Variants in EIF1AX observed in about 807,000 individuals in gnomAD.
The protein encoded by EIF1AX is eukaryotic translation initiation factor 1A X-linked, also known as eukaryotic translation initiation factor 1A, X-chromosomal.
EIF1AX carries 1 observed loss-of-function variant against 16.1 expected under a neutral mutation model. The ratio of observed to expected loss-of-function variants is 0.06; its 90% CI spans 0.02 to 0.30. EIF1AX has a LOEUF of 0.30. EIF1AX is among the 10% of genes least tolerant of loss of function. The probability of loss-of-function intolerance (pLI) is 1.00; values close to 1 mark genes in which losing one functional copy is unlikely to be tolerated. For synonymous variants in EIF1AX, 32 were observed against 37.3 expected (o/e 0.86, Z 0.51); for missense variants, 11 against 109.1 (o/e 0.10, Z 4.00).
chrX:20,132,922 G>C (rs1407134977), intron 4 of EIF1AX, among the ~76,000 whole-genome samples: 1 of 112,000 alleles, frequency 8.9e-6, no homozygotes, highest in Non-Finnish European at 1.9e-5. Flanking sequence ...TCAACTTCAA[G>C]GACAGTGTGA....
chrX:20,129,776 A>G (rs1177450051), intron 6 of EIF1AX, among the ~76,000 whole-genome samples: 1 of 112,290 alleles, frequency 8.9e-6, no homozygotes, highest in Non-Finnish European at 1.9e-5. Context: ...TTGTAATTCC[A>G]ATGCTTCATA....
rs2066981581 is a variant in EIF1AX at position 20,125,226 on chromosome X, T to C, written c.*3080A>G. 1 of 161,329 alleles carries C rather than the reference T, an allele frequency of 6.2e-6. No individual in the cohort carries two copies. Among genetic ancestry groups the C allele is most frequent in the African/African-American group, 3.0e-5 (1 of 33,155 alleles). The allele number at this position is 161,329 out of a possible 1,213,427, so 13.3% of individuals were successfully genotyped here. On this transcript the variant is annotated 3_prime_UTR_variant, in exon 7 of 7. Transcript: ENST00000379607. ...TCCAGTACACTGCCTCACAAGTACC[T>C]AGCAACTTGCAGGGCTAGGAGGGGG...
At chrX:20,140,512 G>GCA (rs964935742) in intron 1 of EIF1AX, 1 of 112,086 alleles carries the variant, frequency 8.9e-6, no homozygotes, top group African/African-American at 3.2e-5. Flanking sequence ...AGCAGTGACT[G>GCA]CACCAACTTG....
At position 20,125,109 on chromosome X, in the gene EIF1AX, C is replaced by G. The variant is rs901042869; in HGVS notation, c.*3197G>C. 3 of 147,086 alleles carry G rather than the reference C, an allele frequency of 2.0e-5. No individual in the cohort carries two copies. The Admixed American group carries it at 2.6e-4, about 13-fold the overall frequency. 12.1% of individuals were successfully genotyped at this position (147,086 alleles called of 1,213,427 possible). ...GTGAAGAACCTGAAGCTGAGACAAGCAGGAGAATGTGCCAGTGGTCACCTG... is the reference window on the plus strand; with the variant it reads ...GTGAAGAACCTGAAGCTGAGACAAGGAGGAGAATGTGCCAGTGGTCACCTG... On this transcript the variant is annotated 3_prime_UTR_variant, in exon 7 of 7. Transcript: ENST00000379607.
At chrX:20,137,010 ATAT>A (rs750143242) in intron 2 of EIF1AX, among the ~76,000 whole-genome samples, 3 of 111,894 alleles carry the variant, frequency 2.7e-5, no homozygotes, top group Non-Finnish European at 5.6e-5. Context: ...TATATACTAG[ATAT>A]TATATCAATG....
intron 4 of EIF1AX, 37 bp from the exon 5 acceptor site, chrX:20,132,300 T>C (rs773839557): frequency 2.3e-6 from 2 of 879,876 alleles, no homozygotes; most frequent in Admixed American, 2.5e-5. Context: ...AAACTGATCA[T>C]AACAAAATAT....
intron 3 of EIF1AX, among the ~76,000 whole-genome samples, chrX:20,135,287 A>C (rs2067013131): frequency 9.0e-6 from 1 of 110,562 alleles, no homozygotes; most frequent in Non-Finnish European, 1.9e-5. Context: ...CTCTACAAAA[A>C]ATACAGAAAT....
chrX:20,125,384 G>A lies in EIF1AX; in HGVS notation c.*2922C>T, dbSNP rs189191080. The A allele has an allele frequency of 5.3e-4, 91 of 171,599 alleles. 1 individual carries two copies. The highest frequency in any genetic ancestry group is 2.4e-3 in the African/African-American group (83 of 34,063). 14.1% of individuals were successfully genotyped at this position (171,599 alleles called of 1,213,427 possible). Reference sequence around the variant, plus strand: ...AAAAGCAAAGATAAAAAGGATGGTAGTTTAGGGTAAACCAAAAACACAAAG... The same window carrying A: ...AAAAGCAAAGATAAAAAGGATGGTAATTTAGGGTAAACCAAAAACACAAAG... On this transcript the variant is annotated 3_prime_UTR_variant, in exon 7 of 7. Transcript: ENST00000379607.
chrX:20,129,952 T>C (rs1427668359), intron 6 of EIF1AX, among the ~76,000 whole-genome samples: 2 of 112,165 alleles, frequency 1.8e-5, no homozygotes, highest in Non-Finnish European at 3.8e-5. Context: ...GGCGTTAATA[T>C]TGCCAATGCA....
At chrX:20,135,951 A>C in intron 2 of EIF1AX, 110 bp from the exon 3 acceptor site, 1 of 538,926 alleles carries the variant, frequency 1.9e-6, no homozygotes, top group Non-Finnish European at 3.3e-6. Context: ...GTTGGGAATA[A>C]ATACATATAG....
In EIF1AX at chrX:20,125,829, T is replaced by C. The variant is rs2066983574; in HGVS notation, c.*2477A>G. 1 of 157,461 alleles carries C rather than the reference T, an allele frequency of 6.4e-6. No individual in the cohort carries two copies. The highest frequency in any genetic ancestry group is 1.2e-5 in the Non-Finnish European group (1 of 80,857). The allele number at this position is 157,461 out of a possible 1,213,427, so 13.0% of individuals were successfully genotyped here. A position where few individuals can be genotyped will look rare whatever the true frequency, so the allele number is the denominator to read the frequency against. ...GCCATGATTCCACAGATGTGGTGAG[T>C]AAACCAACAGCCATTCCTAAATAAA... is the stretch of plus-strand genomic sequence containing the variant. On this transcript the variant is annotated 3_prime_UTR_variant, in exon 7 of 7. Coordinates refer to ENST00000379607, the MANE Select transcript of EIF1AX (RefSeq NM_001412.4).
chrX:20,134,093 T>G, intron 3 of EIF1AX, 86 bp from the exon 4 acceptor site: 4 of 1,023,397 alleles, frequency 3.9e-6, no homozygotes, highest in East Asian at 3.2e-5. Context: ...GTTTAGAAAT[T>G]AAGAGATTTT....
rs2066981797 is a variant in EIF1AX, at chrX:20,125,253, A to T, written c.*3053T>A. 6.1e-6 allele frequency: 1 copy of T among 164,218 alleles called. No homozygotes were observed. The highest frequency in any genetic ancestry group is 3.0e-5 in the African/African-American group (1 of 33,362). 13.5% of individuals were successfully genotyped at this position (164,218 alleles called of 1,213,427 possible). A position where few individuals can be genotyped will look rare whatever the true frequency, so the allele number is the denominator to read the frequency against. The stretch of plus-strand genomic sequence containing the variant: ...GCAACTTGCAGGGCTAGGAGGGGGG[A>T]ATAAGAGAGGACAAAGTCCAATACA... On this transcript the variant is annotated 3_prime_UTR_variant, in exon 7 of 7. Transcript: ENST00000379607.
At position 20,141,802 on chromosome X, in the gene EIF1AX, G is replaced by T. The variant is rs1255128941; in HGVS notation, c.-162C>A. ...GAGGCTGGCGACCCAGCTCTTCAGA[G>T]ATCCGCCTGCGTCCACGCTCGGCGG... On this transcript the variant is annotated 5_prime_UTR_variant, in exon 1 of 7. Transcript: ENST00000379607. 23 of 492,828 alleles carry T rather than the reference G, an allele frequency of 4.7e-5. No homozygotes were observed. The highest frequency in any genetic ancestry group is 2.3e-4 in the East Asian group (5 of 22,072). 40.6% of individuals were successfully genotyped at this position (492,828 alleles called of 1,213,427 possible).
Position 20,141,763 on chromosome X carries a change from C to A in EIF1AX, c.-123G>T, listed in dbSNP as rs745984713. ...GACCAAGTAGGTGCTGGAGGCCAGG[C>A]AACGTGCGCGGGAGAGGCTGGCGAC... On this transcript the variant is annotated 5_prime_UTR_variant, in exon 1 of 7. Transcript: ENST00000379607. The A allele has an allele frequency of 1.9e-5, 14 of 723,238 alleles. No homozygotes were observed. In the African/African-American group the frequency reaches 2.0e-4, roughly 10 times the overall value. 59.6% of individuals were successfully genotyped at this position (723,238 alleles called of 1,213,427 possible). A position where few individuals can be genotyped will look rare whatever the true frequency, so the allele number is the denominator to read the frequency against.
intron 2 of EIF1AX, among the ~76,000 whole-genome samples, chrX:20,136,701 C>G (rs1399879957): frequency 8.9e-6 from 1 of 111,892 alleles, no homozygotes; most frequent in Non-Finnish European, 1.9e-5. Flanking sequence ...TTGTGGAAGT[C>G]AATTACTCAG....
intron 1 of EIF1AX, among the ~76,000 whole-genome samples, chrX:20,140,827 T>C (rs899159766): frequency 2.7e-5 from 3 of 111,250 alleles, no homozygotes; most frequent in Non-Finnish European, 3.8e-5. Flanking sequence ...GTAATTTCTT[T>C]AGGAGTGTTC....
chrX:20,138,441 C>T (rs1457276432), intron 2 of EIF1AX, 98 bp downstream of exon 2: 2 of 704,431 alleles, frequency 2.8e-6, no homozygotes, highest in South Asian at 4.5e-5. Flanking sequence ...CACACTTCAC[C>T]CTGGGCGATG....
intron 3 of EIF1AX, among the ~76,000 whole-genome samples, chrX:20,134,870 TAAC>T (rs1426907595): frequency 8.9e-6 from 1 of 112,606 alleles, no homozygotes; most frequent in African/African-American, 3.2e-5. Context: ...TCTGCCTGAA[TAAC>T]TACTGTGATG....
Sources: gnomAD v4.1 joint callset for allele counts (sites outside exome capture counted in the v4.1 genomes callset) on GRCh38, gnomAD v4.1.1 for gene constraint, MANE v1.5 for transcripts, NCBI Gene and HGNC (gene_info 2026-07-23, HGNC 2026-07-21) for gene names.